The following STK11IP variants were observed in gnomAD, a reference collection of about 807,000 sequenced individuals.
The protein encoded by STK11IP is serine/threonine kinase 11 interacting protein.
Under a neutral mutation model 131.7 loss-of-function variants are expected in STK11IP, and 103 were observed. That is an observed-to-expected ratio of 0.78 (90% CI 0.67 to 0.92). The LOEUF is 0.92. Ranked by LOEUF, STK11IP falls within the 40% of genes least tolerant of loss-of-function variation. STK11IP has a pLI of 0.00. For missense variants in STK11IP, 1,315 were observed against 1,385.7 expected (o/e 0.95, Z 0.81); for synonymous variants, 557 against 575.6 (o/e 0.97, Z 0.46).
In STK11IP at chr2:219,608,714, C is replaced by G. The variant is rs369193971; in HGVS notation, c.1735C>G (p.Arg579Gly). ...VELQAARTLE[R>G]LELQSLEAAE... ...ACTCCAAGCAGCTCGCACCTTGGAG[C>G]GACTGGAGCTCCAGAGTCTGGAGGC... is the stretch of plus-strand genomic sequence containing the variant. The change falls in exon 15 of 25, where the codon CGA becomes GGA. Residue 579 changes from arginine (R) to glycine (G), a missense_variant. Physicochemically the swap from Arg to Gly is moderately radical, Grantham distance 125. Transcript: ENST00000456909. 2.5e-6 allele frequency: 4 copies of G among 1,613,018 alleles called. No homozygotes were observed. Among genetic ancestry groups the G allele is most frequent in the Non-Finnish European group, 3.4e-6 (4 of 1,179,686 alleles).
intron 13 of STK11IP, 34 bp from the exon 14 acceptor site, chr2:219,608,013 G>T: frequency 6.3e-7 from 1 of 1,592,586 alleles, no homozygotes; most frequent in South Asian, 1.1e-5. Context: ...GTGTGGGGCA[G>T]GCTTGCTCAG....
chr2:219,616,438 GT>G lies in STK11IP; in HGVS notation c.*248del. The G allele has an allele frequency of 2.1e-6, 1 of 487,394 alleles. No individual in the cohort carries two copies. Among genetic ancestry groups the G allele is most frequent in the Non-Finnish European group, 3.7e-6 (1 of 271,984 alleles). The allele number at this position is 487,394 out of a possible 1,614,324, so 30.2% of individuals were successfully genotyped here. On this transcript the variant is annotated 3_prime_UTR_variant, in exon 25 of 25. Coordinates refer to ENST00000456909, the MANE Select transcript of STK11IP (RefSeq NM_052902.4). ...CTTTTTCTCAGGTATCAATAAAGTT[GT>G]TTCCAACTCATAGGTCATGTGTGGT...
chr2:219,615,398 G>T, intron 24 of STK11IP, 57 bp downstream of exon 24: 2 of 1,556,650 alleles, frequency 1.3e-6, no homozygotes, highest in Non-Finnish European at 1.7e-6. Context: ...GCACAGGTTG[G>T]GGCCATGAGG....
rs540265630 is a variant in STK11IP at position 219,611,711 on chromosome 2, CCTT to C, written c.2215_2217del (p.Ser739del). 461 of 1,613,100 alleles carry C rather than the reference CCTT, an allele frequency of 2.9e-4. 1 individual carries two copies. In the African/African-American group the frequency reaches 5.2e-3, roughly 18 times the overall value. On this transcript the variant is annotated inframe_deletion, in exon 18 of 25. Coordinates refer to ENST00000456909, the MANE Select transcript of STK11IP (RefSeq NM_052902.4). ...GAAACAGGGAGAGCAGTCTCTGGCT[CCTT>C]CTCCGTCTGCCAGCCCTGTCTGCCA...
rs761136515 is a variant in STK11IP, at chr2:219,614,250, G to A, written c.2798+8G>A. On this transcript the variant is annotated splice_region_variant and intron_variant, in intron 22 of 24. Coordinates refer to ENST00000456909, the MANE Select transcript of STK11IP (RefSeq NM_052902.4). ...CCCCCAGCACCGGCTCTGGTGAGTC[G>A]ATAGGAGGCAGAGGCTGGGGTTGCT... 5 of 1,612,980 alleles carry A rather than the reference G, an allele frequency of 3.1e-6. No homozygotes were observed. The highest frequency in any genetic ancestry group is 4.2e-6 in the Non-Finnish European group (5 of 1,179,666).
At position 219,597,916 on chromosome 2, in the gene STK11IP, G is replaced by T; in HGVS notation, c.-34G>T. The T allele has an allele frequency of 1.2e-6, 2 of 1,612,428 alleles. No homozygotes were observed. Among genetic ancestry groups the T allele is most frequent in the East Asian group, 2.2e-5 (1 of 44,664 alleles). On this transcript the variant is annotated 5_prime_UTR_variant, in exon 1 of 25. Transcript: ENST00000456909. ...TGAGCTGGTAGGAGGACCAGACGGGGAGGTTCGGTATGTCTGACCAGGACT... is the reference window on the plus strand; with the variant it reads ...TGAGCTGGTAGGAGGACCAGACGGGTAGGTTCGGTATGTCTGACCAGGACT...
rs1189094944 is a variant in STK11IP at position 219,606,794 on chromosome 2, C to T, written c.1070C>T (p.Pro357Leu). ...VGSTPETSGG[P>L]DLSDSLSSGG... The stretch of plus-strand genomic sequence containing the variant: ...AGTACTCCTGAAACCTCAGGTGGCC[C>T]TGACCTGAGTGACAGCCTCTCCTCA... The change falls in exon 12 of 25, where the codon CCT becomes CTT. Residue 357 changes from proline (P) to leucine (L), a missense_variant. Pro to Leu is a moderately conservative substitution (Grantham distance 98). Transcript: ENST00000456909. 1.2e-6 allele frequency: 2 copies of T among 1,613,796 alleles called. No homozygotes were observed. The highest frequency in any genetic ancestry group is 2.2e-5 in the East Asian group (1 of 44,874).
At position 219,606,812 on chromosome 2, in the gene STK11IP, T is replaced by C; in HGVS notation, c.1088T>C (p.Leu363Pro). The C allele has an allele frequency of 6.2e-7, 1 of 1,613,638 alleles. No individual in the cohort carries two copies. Among genetic ancestry groups the C allele is most frequent in the Non-Finnish European group, 8.5e-7 (1 of 1,179,802 alleles). ...TSGGPDLSDSLSSGGVVTQPL... is the reference protein window; with the variant it reads ...TSGGPDLSDSPSSGGVVTQPL... The stretch of plus-strand genomic sequence containing the variant: ...GGTGGCCCTGACCTGAGTGACAGCC[T>C]CTCCTCAGGGGGTGTTGTGACCCAG... The change falls in exon 12 of 25, where the codon CTC becomes CCC. Residue 363 changes from leucine to proline, a missense_variant. Coordinates refer to ENST00000456909, the MANE Select transcript of STK11IP (RefSeq NM_052902.4).
rs1698494382 is a variant in STK11IP at position 219,613,989 on chromosome 2, C to T, written c.2716+59C>T. The T allele has an allele frequency of 5.3e-6, 8 of 1,507,244 alleles. No individual in the cohort carries two copies. In the South Asian group the frequency reaches 1.0e-4, roughly 19 times the overall value. The allele number at this position is 1,507,244 out of a possible 1,614,324, so 93.4% of individuals were successfully genotyped here. On this transcript the variant is annotated intron_variant, in intron 21 of 24. Coordinates refer to ENST00000456909, the MANE Select transcript of STK11IP (RefSeq NM_052902.4). ...CAGGAGGGTGGGCAGGGCCTTGGGG[C>T]CAGGCTCCCCACCTGGTACCCAGTA...
Position 219,607,058 on chromosome 2 carries a change from A to T in STK11IP, c.1140A>T (p.Arg380=). Residue 380 remains arginine (R), a synonymous_variant, in exon 13 of 25, where the codon CGA becomes CGT. Coordinates refer to ENST00000456909, the MANE Select transcript of STK11IP (RefSeq NM_052902.4). ...CTTCCCTCCACCAACCTCAGAGCCG[A>T]GTCCGTGTGAGGCGGGCAAGCATCT... ...TQPLLHKVKS[R]VRVRRASISE... The T allele has an allele frequency of 1.2e-6, 2 of 1,613,892 alleles. No homozygotes were observed. Among genetic ancestry groups the T allele is most frequent in the Non-Finnish European group, 1.7e-6 (2 of 1,179,892 alleles).
At position 219,606,713 on chromosome 2, in the gene STK11IP, C is replaced by T; in HGVS notation, c.989C>T (p.Thr330Ile). ...CTCCTTCCTGTCGTCACGTGCCAGA[C>T]TCACACATCCTTGGGGCTCAGCCCC... Reference protein sequence around the residue: ...GKVLSLTDFQTHTSLGLSPMG... With the variant: ...GKVLSLTDFQIHTSLGLSPMG... Residue 330 changes from threonine (T) to isoleucine (I), a missense_variant and splice_region_variant, in exon 12 of 25, where the codon ACT becomes ATT. Thr to Ile is a moderately conservative substitution (Grantham distance 89, BLOSUM62 -1). Coordinates refer to ENST00000456909, the MANE Select transcript of STK11IP (RefSeq NM_052902.4). The T allele has an allele frequency of 6.2e-7, 1 of 1,607,266 alleles. No homozygotes were observed. Among genetic ancestry groups the T allele is most frequent in the Non-Finnish European group, 8.5e-7 (1 of 1,175,800 alleles).
At chr2:219,607,265 T>G in intron 13 of STK11IP, 128 bp downstream of exon 13, 1 of 884,108 alleles carries the variant, frequency 1.1e-6, no homozygotes, top group Non-Finnish European at 1.7e-6. Flanking sequence ...GAGGGCTTCT[T>G]AGTCTTTTTT....
At chr2:219,609,312 T>C (rs762766389) in intron 16 of STK11IP, 51 bp from the exon 17 acceptor site, 30 of 1,596,498 alleles carry the variant, frequency 1.9e-5, no homozygotes, top group African/African-American at 2.7e-5. Context: ...GTGGGAGGTG[T>C]CCGTCTGGGG....
Position 219,605,639 on chromosome 2 carries a change from C to G in STK11IP, c.650C>G (p.Ser217Cys), listed in dbSNP as rs201999209. The change falls in exon 8 of 25, where the codon TCC becomes TGC. Residue 217 changes from serine to cysteine, a missense_variant. Physicochemically the swap from Ser to Cys is moderately radical, Grantham distance 112. Transcript: ENST00000456909. ...DLCELHHLDI[S>C]YNRLHLVPRM... ...TGTGAGCTCCACCATCTGGACATCT[C>G]CTATAATCGCCTGCATTTGGTGCCA... 5 of 1,552,918 alleles carry G rather than the reference C, an allele frequency of 3.2e-6. No individual in the cohort carries two copies. The highest frequency in any genetic ancestry group is 4.4e-6 in the Non-Finnish European group (5 of 1,147,636).
intron 2 of STK11IP, chr2:219,598,505 G>T: frequency 3.8e-6 from 1 of 265,660 alleles, no homozygotes; most frequent in Middle Eastern, 1.1e-3. Context: ...TTATTGTGTA[G>T]CAAGGTACTA....
chr2:219,601,992 G>C lies in STK11IP; in HGVS notation c.347G>C (p.Arg116Pro). Reference sequence around the variant, plus strand: ...CCTCCTCTTTCCTTGTCCCAGCTCCGAGGTGTTCCCCTCCACTGTCTGCAT... The same window carrying C: ...CCTCCTCTTTCCTTGTCCCAGCTCCCAGGTGTTCCCCTCCACTGTCTGCAT... ...PFKSLRHLEL[R>P]GVPLHCLHGL... The change falls in exon 5 of 25, where the codon CGA becomes CCA. Residue 116 changes from arginine (R) to proline (P), a missense_variant. Transcript: ENST00000456909. 1 of 1,610,084 alleles carries C rather than the reference G, an allele frequency of 6.2e-7. No homozygotes were observed. Among genetic ancestry groups the C allele is most frequent in the Non-Finnish European group, 8.5e-7 (1 of 1,178,284 alleles).
At chr2:219,607,947 A>G (rs1698246626) in intron 13 of STK11IP, 100 bp from the exon 14 acceptor site, 1 of 1,491,788 alleles carries the variant, frequency 6.7e-7, no homozygotes, top group Admixed American at 2.1e-5. Context: ...GTCCCCATAC[A>G]CAGCCCATCG....
At chr2:219,611,082 A>G (rs1213706939) in intron 17 of STK11IP, among the ~76,000 whole-genome samples, 1 of 152,172 alleles carries the variant, frequency 6.6e-6, no homozygotes, top group East Asian at 1.9e-4. Flanking sequence ...AAGGATGAGT[A>G]TAAGATAGAT....
intron 2 of STK11IP, 70 bp downstream of exon 2, chr2:219,598,250 C>G (rs376770718): frequency 7.6e-6 from 9 of 1,190,170 alleles, no homozygotes; most frequent in Middle Eastern, 3.9e-4. Flanking sequence ...TCTGGAGACA[C>G]GCCCTGAGAG....
Sources: gnomAD v4.1 joint callset for allele counts (sites outside exome capture counted in the v4.1 genomes callset) on GRCh38, gnomAD v4.1.1 for gene constraint, MANE v1.5 for transcripts, NCBI Gene and HGNC (gene_info 2026-07-23, HGNC 2026-07-21) for gene names.